SKAP1: variants seen among roughly 807,000 people sequenced by gnomAD.
SKAP1 encodes the protein src kinase-associated phosphoprotein 1.
In SKAP1, 44 loss-of-function variants were observed where a neutral mutation model predicts 58.5. The ratio of observed to expected loss-of-function variants is 0.75; its 90% confidence interval spans 0.59 to 0.97. The LOEUF (loss-of-function observed/expected upper bound fraction) is 0.97. Ranked by LOEUF, SKAP1 falls within the 50% of genes least tolerant of loss-of-function variation. The probability of loss-of-function intolerance (pLI) is 0.00; values close to 1 mark genes in which losing one functional copy is unlikely to be tolerated. For missense variants in SKAP1, 390 were observed against 435.2 expected (o/e 0.90, Z 0.92); for synonymous variants, 127 against 149.7 (o/e 0.85, Z 1.11).
intron 1 of SKAP1, among the ~76,000 whole-genome samples, chr17:48,403,546 G>GA (rs2067530204): frequency 6.6e-6 from 1 of 151,876 alleles, no homozygotes; most frequent in Non-Finnish European, 1.5e-5. Context: ...CACCCAGAGA[G>GA]AAAAAATAAG....
intron 2 of SKAP1, among the ~76,000 whole-genome samples, chr17:48,379,630 C>T (rs1485148104): frequency 6.6e-6 from 1 of 151,592 alleles, no homozygotes; most frequent in East Asian, 1.9e-4. Context: ...CTTTTGCCCT[C>T]AAGTTGATTT....
At chr17:48,235,906 G>T (rs1342132039) in intron 4 of SKAP1, among the ~76,000 whole-genome samples, 1 of 152,182 alleles carries the variant, frequency 6.6e-6, no homozygotes, top group East Asian at 1.9e-4. Context: ...CTGGTATGTA[G>T]CTCAAGGGAC....
chr17:48,304,707 C>T (rs1449698223), intron 4 of SKAP1, among the ~76,000 whole-genome samples: 3 of 152,102 alleles, frequency 2.0e-5, no homozygotes, highest in Non-Finnish European at 2.9e-5. Flanking sequence ...ATTTGTTTTC[C>T]AAAGACAAGC....
At chr17:48,223,178 T>G (rs1448612222) in intron 4 of SKAP1, among the ~76,000 whole-genome samples, 1 of 151,968 alleles carries the variant, frequency 6.6e-6, no homozygotes, top group Non-Finnish European at 1.5e-5. Context: ...GTTTTGGAGA[T>G]GCTGGCATTC....
intron 11 of SKAP1, among the ~76,000 whole-genome samples, chr17:48,150,444 A>G (rs1598367402): frequency 1.3e-5 from 2 of 152,354 alleles, no homozygotes; most frequent in East Asian, 3.9e-4. Context: ...CCCCTTGGTT[A>G]CAATGTTTCA....
chr17:48,268,493 A>ATT (rs57122683), intron 4 of SKAP1, among the ~76,000 whole-genome samples: 33 of 150,938 alleles, frequency 2.2e-4, no homozygotes, highest in Middle Eastern at 3.4e-3. Flanking sequence ...ATTCAAGTTA[A>ATT]TTTTTTTTTG....
At chr17:48,224,035 AAGAAGG>A (rs1479535337) in intron 4 of SKAP1, among the ~76,000 whole-genome samples, 7 of 65,434 alleles carry the variant, frequency 1.1e-4, no homozygotes, top group African/African-American at 2.4e-4. Flanking sequence ...AGAGAGAGAG[AAGAAGG>A]AGGAGGAGGA....
Position 48,396,665 on chromosome 17 carries a change from C to G in SKAP1, c.152+15G>C, listed in dbSNP as rs775921229. 1 of 1,516,600 alleles carries G rather than the reference C, an allele frequency of 6.6e-7. No individual in the cohort carries two copies. The highest frequency in any genetic ancestry group is 9.1e-7 in the Non-Finnish European group (1 of 1,096,984). 93.9% of individuals were successfully genotyped at this position (1,516,600 alleles called of 1,614,324 possible). On this transcript the variant is annotated intron_variant, in intron 2 of 12. Coordinates refer to ENST00000336915, the MANE Select transcript of SKAP1 (RefSeq NM_003726.4). ...AAGCTTATGAAGAAGATTAATGGAA[C>G]CAGTTTATACAAACCTGGCTTTGAT...
chr17:48,410,934 CAAA>C (rs61705374), intron 1 of SKAP1, among the ~76,000 whole-genome samples: 3 of 66,970 alleles, frequency 4.5e-5, no homozygotes, highest in Admixed American at 2.3e-4. Flanking sequence ...GACTCCATTT[CAAA>C]AAAAAAAAAA....
chr17:48,278,545 T>C (rs2065728035), intron 4 of SKAP1, among the ~76,000 whole-genome samples: 1 of 152,188 alleles, frequency 6.6e-6, no homozygotes, highest in Non-Finnish European at 1.5e-5. Flanking sequence ...ATGCTAAGGA[T>C]AGCAAAAGTC....
chr17:48,333,674 A>G (rs1353520716), intron 4 of SKAP1, among the ~76,000 whole-genome samples: 1 of 152,072 alleles, frequency 6.6e-6, no homozygotes, highest in African/African-American at 2.4e-5. Context: ...ATTTAGAGTT[A>G]GGGAATTACA....
intron 2 of SKAP1, 42 bp downstream of exon 2, chr17:48,396,638 T>A (rs1434154374): frequency 1.6e-6 from 2 of 1,275,514 alleles, no homozygotes; most frequent in Non-Finnish European, 2.3e-6. Context: ...TAAATTGTTT[T>A]AAAGCTTATG....
chr17:48,366,535 A>G (rs1313779728), intron 2 of SKAP1, among the ~76,000 whole-genome samples: 1 of 152,172 alleles, frequency 6.6e-6, no homozygotes, highest in Non-Finnish European at 1.5e-5. Context: ...GAGTGTCCAT[A>G]TCAATGCAGG....
intron 2 of SKAP1, among the ~76,000 whole-genome samples, chr17:48,384,225 C>T (rs1469877202): frequency 6.6e-6 from 1 of 152,000 alleles, no homozygotes; most frequent in Admixed American, 6.5e-5. Flanking sequence ...AATCAACAGG[C>T]CTTGTTGATG....
chr17:48,140,749 C>CCTT (rs1218296449), intron 11 of SKAP1, among the ~76,000 whole-genome samples: 5 of 151,070 alleles, frequency 3.3e-5, no homozygotes, highest in African/African-American at 9.7e-5. Flanking sequence ...TTCACTTTCA[C>CCTT]CTTCTTCTTC....
intron 4 of SKAP1, among the ~76,000 whole-genome samples, chr17:48,203,423 A>G (rs1370910863): frequency 1.3e-5 from 2 of 152,212 alleles, no homozygotes; most frequent in Non-Finnish European, 2.9e-5. Flanking sequence ...GTATTGCTGT[A>G]TAAGTTTATT....
At chr17:48,344,528 G>C (rs569488333) in intron 4 of SKAP1, among the ~76,000 whole-genome samples, 1 of 152,244 alleles carries the variant, frequency 6.6e-6, no homozygotes, top group Non-Finnish European at 1.5e-5. Context: ...AGGCATTATT[G>C]TTCTAATTCT....
intron 4 of SKAP1, among the ~76,000 whole-genome samples, chr17:48,191,494 T>G (rs1487751595): frequency 6.6e-6 from 1 of 152,232 alleles, no homozygotes; most frequent in Non-Finnish European, 1.5e-5. Context: ...AAATAACTTT[T>G]TTTCAAACAA....
At chr17:48,352,124 C>A (rs2066810730) in intron 3 of SKAP1, among the ~76,000 whole-genome samples, 1 of 150,384 alleles carries the variant, frequency 6.6e-6, no homozygotes, top group East Asian at 1.9e-4. Context: ...CCTCTCCCAC[C>A]CTGTAAGAAA....
Sources: gnomAD v4.1 joint callset for allele counts (sites outside exome capture counted in the v4.1 genomes callset) on GRCh38, gnomAD v4.1.1 for gene constraint, MANE v1.5 for transcripts, NCBI Gene and HGNC (gene_info 2026-07-23, HGNC 2026-07-21) for gene names.